The following ADARB2 variants were observed in gnomAD, a reference collection of about 807,000 sequenced individuals.
ADARB2 encodes inactive double-stranded RNA-specific editase B2.
Under a neutral mutation model 62.2 loss-of-function variants are expected in ADARB2, and 25 were observed. That is an observed-to-expected ratio of 0.40 (90% CI 0.29 to 0.56). The LOEUF (loss-of-function observed/expected upper bound fraction) is 0.56. ADARB2 is among the 20% of genes least tolerant of loss of function. The pLI, the probability that ADARB2 is intolerant of heterozygous loss-of-function variation, is 0.43. For missense variants in ADARB2, 1,071 were observed against 1,077.4 expected (o/e 0.99, Z 0.08); for synonymous variants, 572 against 500.8 (o/e 1.14, Z -1.90).
intron 1 of ADARB2, among the ~76,000 whole-genome samples, chr10:1,481,650 A>G (rs1473689822): frequency 6.6e-6 from 1 of 151,850 alleles, no homozygotes; most frequent in Non-Finnish European, 1.5e-5. Context: ...CGAGGTCAGG[A>G]GTTCAAGACC....
intron 1 of ADARB2, among the ~76,000 whole-genome samples, chr10:1,429,808 C>T (rs1007142490): frequency 2.0e-5 from 3 of 152,122 alleles, no homozygotes; most frequent in African/African-American, 7.2e-5. Flanking sequence ...CTGCTTTTTT[C>T]TATAACTGCT....
At chr10:1,537,840 A>G (rs1410912769) in intron 1 of ADARB2, among the ~76,000 whole-genome samples, 3 of 152,198 alleles carry the variant, frequency 2.0e-5, no homozygotes, top group Non-Finnish European at 4.4e-5. Flanking sequence ...GAGGGACAGC[A>G]TTAGGACAAA....
At chr10:1,718,703 C>T (rs181464310) in intron 1 of ADARB2, among the ~76,000 whole-genome samples, 4 of 152,264 alleles carry the variant, frequency 2.6e-5, no homozygotes, top group Admixed American at 6.5e-5. Flanking sequence ...GGGGGCAGCA[C>T]GACCCAGTTG....
chr10:1,566,823 G>A lies in ADARB2; in HGVS notation c.100+170228C>T, dbSNP rs551452785. Reference sequence around the variant, plus strand: ...ATGTATATGTTCCTTTCTTAAATGTGTGCTTCCATATAACTACATTCTTTA... The same window carrying A: ...ATGTATATGTTCCTTTCTTAAATGTATGCTTCCATATAACTACATTCTTTA... On this transcript the variant is annotated intron_variant, in intron 1 of 9. Transcript: ENST00000381312. Among the ~76,000 whole-genome samples, 6 of 152,264 alleles carry A rather than the reference G, an allele frequency of 3.9e-5. No individual in the cohort carries two copies. The South Asian group carries it at 1.2e-3, about 32-fold the overall frequency.
chr10:1,357,121 G>A (rs1182962669), intron 3 of ADARB2, among the ~76,000 whole-genome samples: 5 of 152,222 alleles, frequency 3.3e-5, no homozygotes, highest in Admixed American at 6.5e-5. Context: ...GGGCAGAGAC[G>A]TGAAACCGAA....
chr10:1,317,438 T>C (rs1057389337), intron 3 of ADARB2, among the ~76,000 whole-genome samples: 6 of 152,210 alleles, frequency 3.9e-5, no homozygotes, highest in Non-Finnish European at 8.8e-5. Context: ...TCTAGAACAC[T>C]GAGGGTTTCA....
At chr10:1,509,240 AG>A (rs1486677205) in intron 1 of ADARB2, among the ~76,000 whole-genome samples, 2 of 152,208 alleles carry the variant, frequency 1.3e-5, no homozygotes, top group Non-Finnish European at 2.9e-5. Flanking sequence ...ACGTTCCATC[AG>A]GGGGTCACTA....
At chr10:1,669,093 G>T (rs533257646) in intron 1 of ADARB2, among the ~76,000 whole-genome samples, 2 of 152,218 alleles carry the variant, frequency 1.3e-5, no homozygotes, top group Non-Finnish European at 2.9e-5. Flanking sequence ...CCAAGCCCTA[G>T]CCTACTGCCT....
chr10:1,352,128 C>T (rs183698041), intron 3 of ADARB2, among the ~76,000 whole-genome samples: 1 of 151,890 alleles, frequency 6.6e-6, no homozygotes, highest in Non-Finnish European at 1.5e-5. Flanking sequence ...TTACTTCAGT[C>T]AAGCCCAAAT....
intron 1 of ADARB2, among the ~76,000 whole-genome samples, chr10:1,616,754 A>G (rs1833640246): frequency 7.0e-6 from 1 of 143,546 alleles, no homozygotes; most frequent in Non-Finnish European, 1.5e-5. Flanking sequence ...CACACTCCAC[A>G]CTGCCCTGCT....
intron 1 of ADARB2, among the ~76,000 whole-genome samples, chr10:1,499,480 C>T (rs1443690527): frequency 6.6e-6 from 1 of 151,688 alleles, no homozygotes; most frequent in Non-Finnish European, 1.5e-5. Context: ...ATTCAGTTGT[C>T]AGCTACTCAT....
At chr10:1,707,676 G>A (rs941367172) in intron 1 of ADARB2, among the ~76,000 whole-genome samples, 1 of 152,240 alleles carries the variant, frequency 6.6e-6, no homozygotes. Flanking sequence ...ATACAGGGAT[G>A]CCTTCCTGGG....
intron 2 of ADARB2, among the ~76,000 whole-genome samples, chr10:1,365,271 T>C (rs962964033): frequency 2.6e-5 from 4 of 152,140 alleles, no homozygotes; most frequent in African/African-American, 9.7e-5. Context: ...GGTGATTGTC[T>C]TGGAGTGTCA....
rs12256426 is a variant in ADARB2 at position 1,255,100 on chromosome 10, C to T, written c.1193-12801G>A. Among the ~76,000 whole-genome samples the T allele has an allele frequency of 0.023, 3,575 of 152,324 alleles. 135 individuals are homozygous for T. Among genetic ancestry groups the T allele is most frequent in the African/African-American group, 0.077 (3,200 of 41,562 alleles). ...CAGGTGCTGAGACTGCCAGTCATGC[C>T]GGGGCTCAGCCCCAGTGAGGGAGCA... On this transcript the variant is annotated intron_variant, in intron 4 of 9. Coordinates refer to ENST00000381312, the MANE Select transcript of ADARB2 (RefSeq NM_018702.4). The surrounding 1 kb of genome is among the most constrained non-coding windows in gnomAD (Gnocchi z 4.7).
rs573792327 is a variant in ADARB2, at chr10:1,339,412, C to T, written c.1077+23616G>A. 2.0e-5 allele frequency among the ~76,000 whole-genome samples: 3 copies of T among 152,322 alleles called. No individual in the cohort carries two copies. In the East Asian group the frequency reaches 5.8e-4, roughly 29 times the overall value. On this transcript the variant is annotated intron_variant, in intron 3 of 9. Coordinates refer to ENST00000381312, the MANE Select transcript of ADARB2 (RefSeq NM_018702.4). ...TAGGGGAGGAGTCACTCAGAGCCTT[C>T]GTTTCATTCATGTAATAGGTTGTGA...
chr10:1,380,552 GCT>G (rs1223088314), intron 1 of ADARB2, among the ~76,000 whole-genome samples: 1 of 152,310 alleles, frequency 6.6e-6, no homozygotes, highest in East Asian at 1.9e-4. Flanking sequence ...CCTGAAACTG[GCT>G]CTTTTTCTTT....
chr10:1,670,580 A>G (rs1834371874), intron 1 of ADARB2, among the ~76,000 whole-genome samples: 1 of 152,114 alleles, frequency 6.6e-6, no homozygotes, highest in Non-Finnish European at 1.5e-5. Flanking sequence ...GCCCTGCCAC[A>G]CATACCAGCA....
chr10:1,674,779 A>T (rs933749591), intron 1 of ADARB2, among the ~76,000 whole-genome samples: 3 of 152,208 alleles, frequency 2.0e-5, no homozygotes, highest in Non-Finnish European at 2.9e-5. Context: ...AAATAAAAAA[A>T]CTGGGGAAAG....
intron 1 of ADARB2, among the ~76,000 whole-genome samples, chr10:1,700,662 G>T (rs1315800866): frequency 1.2e-4 from 1 of 8,054 alleles, no homozygotes; most frequent in African/African-American, 1.4e-4. Context: ...CGGGAGACCG[G>T]GCGCTCGCCA....
Sources: allele counts gnomAD v4.1 joint callset (sites outside exome capture counted in the v4.1 genomes callset), GRCh38; gene constraint gnomAD v4.1.1; non-coding constraint Gnocchi (gnomAD v3.1); transcripts MANE v1.5; gene names NCBI Gene and HGNC (gene_info 2026-07-23, HGNC 2026-07-21).